ZBTB20: variants seen among roughly 807,000 people sequenced by gnomAD.
ZBTB20 encodes the protein zinc finger and BTB domain containing 20.
Under a neutral mutation model 56.9 loss-of-function variants are expected in ZBTB20, and 9 were observed. The observed-to-expected ratio is 0.16, with a 90% CI of 0.10 to 0.28. ZBTB20 has a LOEUF of 0.28. Ranked by LOEUF, ZBTB20 falls within the 10% of genes least tolerant of loss-of-function variation. The probability of loss-of-function intolerance (pLI) is 1.00; values close to 1 mark genes in which losing one functional copy is unlikely to be tolerated. For synonymous variants in ZBTB20, 417 were observed against 420.7 expected, an observed-to-expected ratio of 0.99 and a Z score of 0.11; for missense variants, 655 against 1,003.0, an observed-to-expected ratio of 0.65 and a Z score of 4.69.
chr3:114,458,670 A>C (rs528479455), intron 7 of ZBTB20, among the ~76,000 whole-genome samples: 5 of 152,104 alleles, frequency 3.3e-5, no homozygotes, highest in Non-Finnish European at 7.4e-5. Flanking sequence ...GAGCATACTG[A>C]ACGTACGGGT....
In ZBTB20 at chr3:114,350,529, C is replaced by T. The variant is rs765399555; in HGVS notation, c.1549G>A (p.Ala517Thr). 16 of 1,613,920 alleles carry T rather than the reference C, an allele frequency of 9.9e-6. No individual in the cohort carries two copies. The highest frequency in any genetic ancestry group is 1.6e-4 in the Middle Eastern group (1 of 6,084). ...AGGAAAGGCTTGGGGCCACTGCCCG[C>T]GGGCTGGGTAGTGAAGAGGGCTGGC... ...YLPALFTTQP[A>T]GSGPKPFLFS... Residue 517 changes from alanine (A) to threonine (T), a missense_variant, in exon 11 of 12, where the codon GCG becomes ACG. Physicochemically the swap from Ala to Thr is moderately conservative, Grantham distance 58. Around this residue, in one of 10 missense-constraint regions of ZBTB20, gnomAD observed 71 missense variants for 89.4 expected, o/e 0.79. Coordinates refer to ENST00000675478, the MANE Select transcript of ZBTB20 (RefSeq NM_001348800.3).
Position 114,351,467 on chromosome 3 carries a change from A to G in ZBTB20, c.611T>C (p.Ile204Thr), listed in dbSNP as rs2108210383. The part of the protein sequence containing the change: ...SQNVGDVFPG[I>T]QDSGQDTPRG... Reference sequence around the variant, plus strand: ...CGGCGTGTCCTGGCCCGAGTCCTGGATCCCCGGGAACACATCGCCCACGTT... The same window carrying G: ...CGGCGTGTCCTGGCCCGAGTCCTGGGTCCCCGGGAACACATCGCCCACGTT... The change falls in exon 11 of 12, where the codon ATC becomes ACC. Residue 204 changes from isoleucine to threonine, a missense_variant. Around this residue, in one of 10 missense-constraint regions of ZBTB20, gnomAD observed 167 missense variants for 281.9 expected, o/e 0.59. Transcript: ENST00000675478. The G allele has an allele frequency of 2.5e-6, 4 of 1,613,558 alleles. No individual in the cohort carries two copies. The East Asian group carries it at 8.9e-5, about 36-fold the overall frequency.
chr3:114,792,325 G>A (rs566782196), intron 5 of ZBTB20: 2 of 152,206 alleles, frequency 1.3e-5, no homozygotes, highest in Admixed American at 1.3e-4. Flanking sequence ...GCAACATATT[G>A]CAAAGAGTAA....
intron 2 of ZBTB20, among the ~76,000 whole-genome samples, chr3:114,996,342 T>C (rs1338878477): frequency 6.6e-6 from 1 of 151,880 alleles, no homozygotes; most frequent in Non-Finnish European, 1.5e-5. Context: ...TTTCTCCTAA[T>C]GCTATCCCTC....
rs2078615391 is a variant in ZBTB20 at position 114,314,782 on chromosome 3, C to T, written c.*24223G>A. 1 of 151,572 alleles carries T rather than the reference C, an allele frequency of 6.6e-6. No individual in the cohort carries two copies. The allele number at this position is 151,572 out of a possible 1,614,324, so 9.4% of individuals were successfully genotyped here. A position where few individuals can be genotyped will look rare whatever the true frequency, so the allele number is the denominator to read the frequency against. ...AACTTCACAGTATTCCAAAATGTCA[C>T]AATAATAATAATAATATAATAGTAT... On this transcript the variant is annotated 3_prime_UTR_variant, in exon 12 of 12. Transcript: ENST00000675478.
At position 114,497,587 on chromosome 3, in the gene ZBTB20, G is replaced by T. The variant is rs555192715; in HGVS notation, c.-255+2765C>A. Among the ~76,000 whole-genome samples the T allele has an allele frequency of 3.8e-4, 58 of 152,230 alleles. 2 individuals carry two copies. The South Asian group carries it at 0.012, about 31-fold the overall frequency. On this transcript the variant is annotated intron_variant, in intron 7 of 11. Coordinates refer to ENST00000675478, the MANE Select transcript of ZBTB20 (RefSeq NM_001348800.3). Reference sequence around the variant, plus strand: ...TTTACTCTTCTGACTTTAAGACCCAGCCTGGTCACCTTACCACATCCAAGT... The same window carrying T: ...TTTACTCTTCTGACTTTAAGACCCATCCTGGTCACCTTACCACATCCAAGT...
intron 6 of ZBTB20, among the ~76,000 whole-genome samples, chr3:114,612,602 C>T (rs906016412): frequency 1.3e-5 from 2 of 152,120 alleles, no homozygotes. Context: ...GACAATAATG[C>T]TGCATTTTGC....
chr3:115,040,494 T>A (rs2081096813), intron 2 of ZBTB20, among the ~76,000 whole-genome samples: 1 of 152,034 alleles, frequency 6.6e-6, no homozygotes, highest in Non-Finnish European at 1.5e-5. Context: ...GGGAATGGAA[T>A]GATATTTCAG....
chr3:114,575,799 T>C (rs1205635377), intron 6 of ZBTB20, among the ~76,000 whole-genome samples: 1 of 152,190 alleles, frequency 6.6e-6, no homozygotes, highest in Non-Finnish European at 1.5e-5. Context: ...ATTTATTATT[T>C]GTGGAAGAGG....
chr3:114,341,696 T>C (rs143071808), intron 11 of ZBTB20, among the ~76,000 whole-genome samples: 1 of 152,372 alleles, frequency 6.6e-6, no homozygotes, highest in East Asian at 1.9e-4. Context: ...CATGTAGTAT[T>C]GGTTCTACCA....
At chr3:114,594,157 A>T (rs2107583532) in intron 6 of ZBTB20, among the ~76,000 whole-genome samples, 1 of 152,324 alleles carries the variant, frequency 6.6e-6, no homozygotes. Flanking sequence ...TAGGCAAAAA[A>T]CATTTTAGTA....
chr3:114,859,285 T>A (rs1452446180), intron 4 of ZBTB20, among the ~76,000 whole-genome samples: 32 of 29,386 alleles, frequency 1.1e-3, no homozygotes, highest in South Asian at 7.7e-3. Flanking sequence ...CCTTCCTTCC[T>A]TTCTTCCTTC....
chr3:115,036,517 C>T (rs1246567477), intron 2 of ZBTB20, among the ~76,000 whole-genome samples: 5 of 151,916 alleles, frequency 3.3e-5, no homozygotes, highest in African/African-American at 9.7e-5. Context: ...CAGGTTCGAG[C>T]GATTCTCCTG....
At chr3:114,535,624 C>T (rs1290826448) in intron 6 of ZBTB20, among the ~76,000 whole-genome samples, 1 of 152,194 alleles carries the variant, frequency 6.6e-6, no homozygotes, top group Non-Finnish European at 1.5e-5. Flanking sequence ...AGAGGGACTC[C>T]TCCCTAACTC....
intron 2 of ZBTB20, among the ~76,000 whole-genome samples, chr3:115,031,224 G>T (rs1225645210): frequency 6.6e-6 from 1 of 151,270 alleles, no homozygotes; most frequent in Non-Finnish European, 1.5e-5. Flanking sequence ...CAGTTTTCAT[G>T]AATTAGTGGA....
At chr3:114,567,384 A>T (rs775218869) in intron 6 of ZBTB20, among the ~76,000 whole-genome samples, 12 of 152,178 alleles carry the variant, frequency 7.9e-5, no homozygotes, top group Non-Finnish European at 1.6e-4. Context: ...TTCCTACTAT[A>T]GCATGTTAAA....
chr3:114,820,434 T>C (rs2073173752), intron 4 of ZBTB20, among the ~76,000 whole-genome samples: 1 of 152,022 alleles, frequency 6.6e-6, no homozygotes, highest in Non-Finnish European at 1.5e-5. Context: ...ACCCATACAC[T>C]TGGAAAGAGG....
chr3:114,405,193 C>CT (rs34549916), intron 7 of ZBTB20, among the ~76,000 whole-genome samples: 3,696 of 151,466 alleles, frequency 0.024, 155 homozygotes, highest in African/African-American at 0.084. Context: ...AACAGTCTGA[C>CT]TTTTTTTTTC....
rs1576285015 is a variant in ZBTB20, at chr3:114,351,044, A to C, written c.1034T>G (p.Val345Gly). 1.9e-6 allele frequency: 3 copies of C among 1,606,804 alleles called. No homozygotes were observed. The highest frequency in any genetic ancestry group is 1.7e-6 in the Non-Finnish European group (2 of 1,178,670). Residue 345 changes from valine (V) to glycine (G), a missense_variant, in exon 11 of 12, where the codon GTG (valine) becomes GGG (glycine). Physicochemically the swap from Val to Gly is moderately radical, Grantham distance 109 (BLOSUM62 -3). This residue lies in a region of ZBTB20 where 156 missense variants were observed against 181.0 expected (regional missense o/e 0.86). Coordinates refer to ENST00000675478, the MANE Select transcript of ZBTB20 (RefSeq NM_001348800.3). ...GGATTCGTTGCGTTCCAGGATCTGC[A>C]CCCTTTGCTGCCCGTAGTAGTCGTA... ...DDYDYYGQQR[V>G]QILERNESEE...
Sources: gnomAD v4.1 joint callset for allele counts (sites outside exome capture counted in the v4.1 genomes callset) on GRCh38, gnomAD v4.1.1 for gene constraint, gnomAD v4.1.1 regional missense constraint, MANE v1.5 for transcripts, NCBI Gene and HGNC (gene_info 2026-07-23, HGNC 2026-07-21) for gene names.